NBAS: variants seen among roughly 807,000 people sequenced by gnomAD.
NBAS encodes the protein NAG/BC035112 fusion.
Under a neutral mutation model 302.5 loss-of-function variants are expected in NBAS, and 219 were observed. The observed-to-expected ratio is 0.72, with a 90% confidence interval of 0.65 to 0.81. The LOEUF is 0.81. Among genes scored for constraint, NBAS ranks in the 30% least tolerant of loss-of-function variants. NBAS has a pLI of 0.00. For synonymous variants in NBAS, 1,118 were observed against 1,021.6 expected (o/e 1.09, Z -1.80); for missense variants, 2,932 against 2,841.6 (o/e 1.03, Z -0.72).
chr2:15,436,327 CAG>C (rs1441639121), intron 21 of NBAS, among the ~76,000 whole-genome samples: 7 of 152,164 alleles, frequency 4.6e-5, no homozygotes, highest in African/African-American at 1.7e-4. Flanking sequence ...ACATATATTT[CAG>C]AGGAGGGTAC....
the NBAS span, among the ~76,000 whole-genome samples, chr2:14,833,104 A>C: frequency 6.6e-6 from 1 of 152,216 alleles, no homozygotes; most frequent in Admixed American, 6.5e-5. Context: ...AATCTTTAAG[A>C]CTGTAGGAAC....
chr2:15,166,925 T>C lies in NBAS; in HGVS notation c.*123A>G, dbSNP rs1664043413. On this transcript the variant is annotated 3_prime_UTR_variant, in exon 52 of 52. Coordinates refer to ENST00000281513, the MANE Select transcript of NBAS (RefSeq NM_015909.4). The stretch of plus-strand genomic sequence containing the variant: ...AGCGGCAGCTTGCTCATCGTTTCCA[T>C]ACAGTTTTATTTGCAATTTGTTGGA... 1 of 1,299,858 alleles carries C rather than the reference T, an allele frequency of 7.7e-7. No homozygotes were observed. The highest frequency in any genetic ancestry group is 1.0e-6 in the Non-Finnish European group (1 of 968,282). The allele number at this position is 1,299,858 out of a possible 1,614,324, so 80.5% of individuals were successfully genotyped here. A position where few individuals can be genotyped will look rare whatever the true frequency, so the allele number is the denominator to read the frequency against.
At chr2:15,488,025 T>C (rs1217901450) in intron 12 of NBAS, among the ~76,000 whole-genome samples, 1 of 152,230 alleles carries the variant, frequency 6.6e-6, no homozygotes, top group African/African-American at 2.4e-5. Flanking sequence ...TCTTTTCCTC[T>C]GTCATTCTGA....
chr2:15,380,339 C>G (rs1238140987), intron 29 of NBAS, among the ~76,000 whole-genome samples: 1 of 152,086 alleles, frequency 6.6e-6, no homozygotes, highest in East Asian at 1.9e-4. Context: ...CTTGGCTTCC[C>G]AAAGTGTTGG....
At chr2:15,204,095 C>T (rs751912066) in intron 48 of NBAS, among the ~76,000 whole-genome samples, 2 of 151,906 alleles carry the variant, frequency 1.3e-5, no homozygotes, top group African/African-American at 2.4e-5. Context: ...GACCCCATCT[C>T]TACGAAAAAT....
chr2:14,896,689 G>A, the NBAS span, among the ~76,000 whole-genome samples: 1 of 152,016 alleles, frequency 6.6e-6, no homozygotes, highest in South Asian at 2.1e-4. Flanking sequence ...TCTGGACTTT[G>A]AGGGCCTCGT....
At chr2:15,553,622 T>C (rs1035243449) in intron 4 of NBAS, 149 bp from the exon 5 acceptor site, 5 of 765,780 alleles carry the variant, frequency 6.5e-6, no homozygotes, top group Non-Finnish European at 1.1e-5. Flanking sequence ...TACAATTAGA[T>C]GAGGATACAG....
intron 21 of NBAS, among the ~76,000 whole-genome samples, chr2:15,442,789 A>G (rs1157207188): frequency 6.6e-5 from 10 of 151,828 alleles, no homozygotes; most frequent in Non-Finnish European, 5.9e-5. Context: ...GAGAAGAATC[A>G]AATAGACGCA....
chr2:15,396,300 CA>C, intron 27 of NBAS, 112 bp downstream of exon 27: 1 of 820,666 alleles, frequency 1.2e-6, no homozygotes. Context: ...GACAATCAAA[CA>C]AAAATGAGGT....
chr2:15,330,647 C>G lies in NBAS; in HGVS notation c.4298G>C (p.Ser1433Thr). ...AGACTTCTTCCACCACTGCCCATCA[C>G]TGACGGCCTGCAGCACCGCTTTGGT... ...TTTKAVLQAVSDGQWWKKSLT... is the reference protein window; with the variant it reads ...TTTKAVLQAVTDGQWWKKSLT... Residue 1433 changes from serine to threonine, a missense_variant, in exon 36 of 52, where the codon AGT (serine) becomes ACT (threonine). Physicochemically the swap from Ser to Thr is moderately conservative, Grantham distance 58. Transcript: ENST00000281513. 2 of 1,614,070 alleles carry G rather than the reference C, an allele frequency of 1.2e-6. No homozygotes were observed. Among genetic ancestry groups the G allele is most frequent in the Non-Finnish European group, 1.7e-6 (2 of 1,179,956 alleles).
At position 15,238,603 on chromosome 2, in the gene NBAS, G is replaced by A. The variant is rs141404162; in HGVS notation, c.5808C>T (p.Asn1936=). The A allele has an allele frequency of 1.6e-3, 2,561 of 1,613,448 alleles. 3 individuals are homozygous for A. Among genetic ancestry groups the A allele is most frequent in the Non-Finnish European group, 2.1e-3 (2,493 of 1,179,946 alleles). The stretch of plus-strand genomic sequence containing the variant: ...TAGCTTCTTGAGCTTCGTCTTCTGA[G>A]TTTCTTTTCCTTGGCTTCTCAATAA... ...KHFIEKPRKR[N]SEDEAQEAKD... is the part of the protein sequence containing the mutation. Residue 1936 remains asparagine, a synonymous_variant, in exon 45 of 52, where the codon AAC becomes AAT. Transcript: ENST00000281513.
chr2:15,152,038 G>C, the NBAS span, among the ~76,000 whole-genome samples: 3 of 151,960 alleles, frequency 2.0e-5, no homozygotes, highest in South Asian at 4.2e-4. Context: ...TTAGTAGAGA[G>C]GGGGTTTCAC....
the NBAS span, among the ~76,000 whole-genome samples, chr2:14,975,600 T>C: frequency 6.6e-6 from 1 of 152,210 alleles, no homozygotes; most frequent in African/African-American, 2.4e-5. Context: ...TTTTTTCAGA[T>C]GACTAACATA....
chr2:14,804,932 T>C, the NBAS span, among the ~76,000 whole-genome samples: 1 of 152,244 alleles, frequency 6.6e-6, no homozygotes, highest in Non-Finnish European at 1.5e-5. Flanking sequence ...AAGGACCCTG[T>C]CAACTAGAGG....
intron 9 of NBAS, among the ~76,000 whole-genome samples, chr2:15,515,944 CTA>C (rs1662369312): frequency 6.6e-6 from 1 of 152,048 alleles, no homozygotes; most frequent in Non-Finnish European, 1.5e-5. Context: ...TGTCTTCACT[CTA>C]TGTTTCAGCA....
chr2:15,250,925 A>G (rs1668335573), intron 44 of NBAS, among the ~76,000 whole-genome samples: 1 of 152,230 alleles, frequency 6.6e-6, no homozygotes, highest in Admixed American at 6.5e-5. Context: ...CTAGAACTAG[A>G]AATACCATTT....
the NBAS span, among the ~76,000 whole-genome samples, chr2:15,141,279 A>T: frequency 6.6e-6 from 1 of 151,898 alleles, no homozygotes; most frequent in African/African-American, 2.4e-5. Flanking sequence ...CTCTGTTTAA[A>T]CCCAACATGT....
the NBAS span, among the ~76,000 whole-genome samples, chr2:14,955,364 C>T: frequency 1.3e-5 from 2 of 152,172 alleles, no homozygotes; most frequent in African/African-American, 2.4e-5. Context: ...TGTGGCTTTT[C>T]CAGGCTCATG....
the NBAS span, among the ~76,000 whole-genome samples, chr2:15,014,850 G>A: frequency 2.0e-5 from 3 of 151,680 alleles, no homozygotes; most frequent in African/African-American, 7.3e-5. Flanking sequence ...GAAACAAAAA[G>A]TTGGTTTATT....
Sources: allele counts gnomAD v4.1 joint callset (sites outside exome capture counted in the v4.1 genomes callset), GRCh38; gene constraint gnomAD v4.1.1; transcripts MANE v1.5; gene names NCBI Gene and HGNC (gene_info 2026-07-23, HGNC 2026-07-21).